The following EML2 variants were observed in gnomAD, a reference collection of about 807,000 sequenced individuals.
EML2 encodes echinoderm microtubule-associated protein-like 2.
In EML2, 59 loss-of-function variants were observed where a neutral mutation model predicts 84.7. The observed-to-expected ratio is 0.70, with a 90% CI of 0.56 to 0.86. The LOEUF is 0.86. Among genes scored for constraint, EML2 ranks in the 40% least tolerant of loss-of-function variants. EML2 has a pLI of 0.00. For synonymous variants in EML2, 352 were observed against 348.9 expected (o/e 1.01, Z -0.10); for missense variants, 818 against 855.6 (o/e 0.96, Z 0.55).
intron 10 of EML2, 68 bp downstream of exon 10, chr19:45,621,415 C>A (rs995742431): frequency 1.9e-6 from 3 of 1,573,306 alleles, no homozygotes; most frequent in Admixed American, 1.7e-5. Context: ...GAGGGTCTGG[C>A]GTTGGGAGCC....
intron 7 of EML2, among the ~76,000 whole-genome samples, chr19:45,627,515 A>G (rs1972510239): frequency 6.6e-6 from 1 of 151,966 alleles, no homozygotes; most frequent in African/African-American, 2.4e-5. Flanking sequence ...TCAGCCTCCT[A>G]AAGTGCTGGG....
chr19:45,637,802 G>C (rs368191516), intron 3 of EML2, among the ~76,000 whole-genome samples: 3 of 150,028 alleles, frequency 2.0e-5, no homozygotes, highest in Admixed American at 1.3e-4. Context: ...TCAGTCTCCC[G>C]AGTAGCTAGG....
chr19:45,645,451 C>T (rs944499436), upstream of EML2: 2 of 1,416,438 alleles, frequency 1.4e-6, no homozygotes, highest in Admixed American at 3.1e-5. Flanking sequence ...GCATCCCCAG[C>T]TCAGCTCGCC....
In EML2 at chr19:45,614,700, C is replaced by G. The variant is rs774936223; in HGVS notation, c.1598G>C (p.Trp533Ser). 3 of 1,613,604 alleles carry G rather than the reference C, an allele frequency of 1.9e-6. No individual in the cohort carries two copies. The East Asian group carries it at 6.7e-5, about 36-fold the overall frequency. The change falls in exon 17 of 19, where the codon TGG becomes TCG. Residue 533 changes from tryptophan to serine, a missense_variant and splice_region_variant. Coordinates refer to ENST00000245925, the MANE Select transcript of EML2 (RefSeq NM_012155.4). ...TNSGDYEILY[W>S]DPATCKQITS... is the part of the protein sequence containing the mutation. ...GATCTGCTTACAGGTAGCCGGGTCC[C>G]CTGGGGCAGAAAATGGGAGGAGACA...
rs1446772708 is a variant in EML2 at position 45,616,752 on chromosome 19, G to A, written c.1411+13C>T. On this transcript the variant is annotated intron_variant, in intron 14 of 18. Coordinates refer to ENST00000245925, the MANE Select transcript of EML2 (RefSeq NM_012155.4). ...TGGCCCTGCCGCTTGGGTGTCCCAGGCCTGCCGCTTACCTGGGGAGAAGCT... is the reference window on the plus strand; with the variant it reads ...TGGCCCTGCCGCTTGGGTGTCCCAGACCTGCCGCTTACCTGGGGAGAAGCT... 1 of 1,610,694 alleles carries A rather than the reference G, an allele frequency of 6.2e-7. No individual in the cohort carries two copies. The highest frequency in any genetic ancestry group is 1.1e-5 in the South Asian group (1 of 90,746).
At chr19:45,612,888 C>T (rs537009430) in intron 18 of EML2, among the ~76,000 whole-genome samples, 198 of 149,296 alleles carry the variant, frequency 1.3e-3, no homozygotes, top group African/African-American at 4.7e-3. Context: ...TAACGTCCAG[C>T]TTTTTTTTTT....
At chr19:45,627,184 C>A (rs1411543311) in intron 7 of EML2, among the ~76,000 whole-genome samples, 1 of 151,472 alleles carries the variant, frequency 6.6e-6, no homozygotes, top group Non-Finnish European at 1.5e-5. Context: ...GTCTCGAACT[C>A]TTTACCTCGT....
At chr19:45,642,585 G>T (rs2122849244), upstream of EML2, 2 of 1,296,564 alleles carry the variant, frequency 1.5e-6, no homozygotes, top group Non-Finnish European at 2.0e-6. Context: ...CGCGCTGGCC[G>T]TGTGACCTTG....
At chr19:45,626,613 C>G in intron 8 of EML2, 92 bp downstream of exon 8, 5 of 1,449,416 alleles carry the variant, frequency 3.4e-6, no homozygotes, top group Non-Finnish European at 4.7e-6. Flanking sequence ...ATCCCAAACC[C>G]CTGCCACCCT....
chr19:45,622,316 C>G (rs551176766), intron 9 of EML2, among the ~76,000 whole-genome samples: 1 of 152,268 alleles, frequency 6.6e-6, no homozygotes, highest in East Asian at 1.9e-4. Flanking sequence ...AGCCATTCAT[C>G]CACCCATCTC....
chr19:45,645,407 G>C, upstream of EML2: 1 of 1,479,290 alleles, frequency 6.8e-7, no homozygotes. Context: ...ACCAGGCCCT[G>C]CCTCCCGTTG....
In EML2 at chr19:45,638,863, C is replaced by T. The variant is rs765066711; in HGVS notation, c.31G>A (p.Glu11Lys). 1.9e-6 allele frequency: 3 copies of T among 1,613,604 alleles called. No homozygotes were observed. The highest frequency in any genetic ancestry group is 3.3e-5 in the Admixed American group (2 of 59,948). The change falls in exon 2 of 19, where the codon GAA becomes AAA. Residue 11 changes from glutamate (E) to lysine (K), a missense_variant. By Grantham distance (56) the Glu-to-Lys change is moderately conservative. Coordinates refer to ENST00000245925, the MANE Select transcript of EML2 (RefSeq NM_012155.4). MSSFGAGKTK[E>K]VIFSVEDGSV... ...CACTCACCCACACTGAAGATAACTT[C>T]TTTGGTTTTGCTGTCAGGAAAGGAC...
rs769833074 is a variant in EML2 at position 45,609,775 on chromosome 19, T to A, written c.1838A>T (p.Lys613Met). 9.3e-6 allele frequency: 15 copies of A among 1,612,186 alleles called. No homozygotes were observed. Among genetic ancestry groups the A allele is most frequent in the Non-Finnish European group, 1.1e-5 (13 of 1,179,364 alleles). ...CACATGGCTGCTGTGTCCACCGTAC[T>A]TGTGGCTGAGGGCCTGTTACAAGGA... is the stretch of plus-strand genomic sequence containing the variant. ...PCCQPRALSHKYGGHSSHVTN... is the reference protein window; with the variant it reads ...PCCQPRALSHMYGGHSSHVTN... The change falls in exon 19 of 19, where the codon AAG becomes ATG. Residue 613 changes from lysine to methionine, a missense_variant. Transcript: ENST00000245925.
At position 45,619,433 on chromosome 19, in the gene EML2, A is replaced by G. The variant is rs1253464726; in HGVS notation, c.1123-242T>C. 9.2e-6 allele frequency: 3 copies of G among 326,306 alleles called. No homozygotes were observed. In the Admixed American group the frequency reaches 1.3e-4, roughly 14 times the overall value. The allele number at this position is 326,306 out of a possible 1,614,324, so 20.2% of individuals were successfully genotyped here. On this transcript the variant is annotated intron_variant, in intron 11 of 18. Transcript: ENST00000245925. The stretch of plus-strand genomic sequence containing the variant: ...GGGACCTCTGCTTTCTTCTTTGCAC[A>G]ATGGGAGGCAGGAGGGCATGGTGGC...
chr19:45,641,532 C>A, upstream of EML2: 1 of 1,106,252 alleles, frequency 9.0e-7, no homozygotes, highest in Non-Finnish European at 1.3e-6. Context: ...CGCTTTTGAA[C>A]TAGCTGGCCC....
At chr19:45,613,836 G>A (rs1568431794) in intron 17 of EML2, among the ~76,000 whole-genome samples, 165 bp from the exon 18 acceptor site, 1 of 152,080 alleles carries the variant, frequency 6.6e-6, no homozygotes, top group Admixed American at 6.6e-5. Flanking sequence ...GCCTGCCCCT[G>A]CTCTGCTTAA....
At chr19:45,617,100 G>A (rs1049143470) in intron 13 of EML2, among the ~76,000 whole-genome samples, 1 of 151,680 alleles carries the variant, frequency 6.6e-6, no homozygotes, top group Non-Finnish European at 1.5e-5. Flanking sequence ...ACAAAAATTA[G>A]CCAGGCGTGG....
At chr19:45,644,224 GT>G (rs1974857088), upstream of EML2, among the ~76,000 whole-genome samples, 1 of 152,168 alleles carries the variant, frequency 6.6e-6, no homozygotes, top group Admixed American at 6.5e-5. Context: ...AACTCTAGTA[GT>G]TGTAGTAGCA....
At position 45,609,448 on chromosome 19, in the gene EML2, A is replaced by G. The variant is rs1485060880; in HGVS notation, c.*215T>C. On this transcript the variant is annotated 3_prime_UTR_variant, in exon 19 of 19. Coordinates refer to ENST00000245925, the MANE Select transcript of EML2 (RefSeq NM_012155.4). ...GGATGATATAAAAGAAAAAACTTAA[A>G]AAACACCCCAAACCAAACACCAATG... 1.2e-5 allele frequency: 6 copies of G among 483,878 alleles called. No homozygotes were observed. Among genetic ancestry groups the G allele is most frequent in the Non-Finnish European group, 2.1e-5 (6 of 288,880 alleles). 30.0% of individuals were successfully genotyped at this position (483,878 alleles called of 1,614,324 possible).
Sources: allele counts gnomAD v4.1 joint callset (sites outside exome capture counted in the v4.1 genomes callset), GRCh38; gene constraint gnomAD v4.1.1; transcripts MANE v1.5; gene names NCBI Gene and HGNC (gene_info 2026-07-23, HGNC 2026-07-21).